Variants in DAB1 observed in about 807,000 individuals in gnomAD.
DAB1 encodes the protein disabled homolog 1.
A neutral mutation model predicts 64.6 loss-of-function variants in DAB1; 15 were observed. The ratio of observed to expected loss-of-function variants is 0.23; its 90% CI spans 0.16 to 0.36. The LOEUF (loss-of-function observed/expected upper bound fraction) is 0.36, where lower values mean the gene tolerates loss of function less well. Among genes scored for constraint, DAB1 ranks in the 10% least tolerant of loss-of-function variants. The probability of loss-of-function intolerance (pLI) is 1.00; values close to 1 mark genes in which losing one functional copy is unlikely to be tolerated. For synonymous variants in DAB1, 235 were observed against 251.9 expected (o/e 0.93, Z 0.64); for missense variants, 596 against 706.7 (o/e 0.84, Z 1.78).
At chr1:57,605,840 A>T in intron 7 of DAB1, 1 of 561,154 alleles carries the variant, frequency 1.8e-6, no homozygotes, top group Non-Finnish European at 3.3e-6. Flanking sequence ...TTATTAAGAC[A>T]GTTGACTTAA....
chr1:57,998,684 A>T (rs1325236519), intron 5 of DAB1, among the ~76,000 whole-genome samples: 3 of 152,172 alleles, frequency 2.0e-5, no homozygotes, highest in Non-Finnish European at 2.9e-5. Flanking sequence ...AACAGAGATA[A>T]GACTTTCTAG....
chr1:58,360,910 T>C (rs1644158305), intron 3 of DAB1, among the ~76,000 whole-genome samples: 1 of 152,242 alleles, frequency 6.6e-6, no homozygotes, highest in South Asian at 2.1e-4. Flanking sequence ...TTAGAATTAT[T>C]CTAAATAAAT....
chr1:58,025,304 C>G (rs1646873275), intron 5 of DAB1, among the ~76,000 whole-genome samples: 1 of 152,004 alleles, frequency 6.6e-6, no homozygotes, highest in African/African-American at 2.4e-5. Flanking sequence ...ATTCCCAGCC[C>G]TGAGAGATTA....
At chr1:57,502,084 G>A (rs1644295076) in intron 7 of DAB1, among the ~76,000 whole-genome samples, 2 of 152,034 alleles carry the variant, frequency 1.3e-5, no homozygotes, top group African/African-American at 2.4e-5. Context: ...ACTTTGGGAG[G>A]CCGAGGCCAG....
At position 57,398,703 on chromosome 1, in the gene DAB1, C is replaced by T. The variant is rs1683009519; in HGVS notation, c.-137+25227G>A. ...CATGTTTACAAGTCAGGGGCAAACT[C>T]TTCTATCCTGCATTTCATAACTCCC... On this transcript the variant is annotated intron_variant, in intron 1 of 14. Transcript: ENST00000371236. 3.9e-5 allele frequency among the ~76,000 whole-genome samples: 6 copies of T among 152,236 alleles called. No individual in the cohort carries two copies. The South Asian group carries it at 1.2e-3, about 31-fold the overall frequency.
intron 5 of DAB1, among the ~76,000 whole-genome samples, chr1:58,008,885 T>A (rs1200958449): frequency 6.6e-6 from 1 of 152,158 alleles, no homozygotes; most frequent in African/African-American, 2.4e-5. Context: ...CCTGAGCACC[T>A]TATTTCATTA....
intron 7 of DAB1, among the ~76,000 whole-genome samples, chr1:57,555,760 C>T (rs1419702153): frequency 1.3e-5 from 2 of 152,170 alleles, no homozygotes; most frequent in Non-Finnish European, 1.5e-5. Flanking sequence ...TGAGTTCAAA[C>T]TTAGTGCCAT....
At chr1:57,885,482 G>C (rs146473339), upstream of DAB1, among the ~76,000 whole-genome samples, 252 of 152,184 alleles carry the variant, frequency 1.7e-3, no homozygotes, top group African/African-American at 5.8e-3. Context: ...AAACCTGAGG[G>C]GTGTATGTGT....
intron 4 of DAB1, among the ~76,000 whole-genome samples, chr1:58,220,789 G>A (rs754703343): frequency 4.6e-5 from 7 of 152,002 alleles, no homozygotes; most frequent in Non-Finnish European, 8.8e-5. Context: ...AGTGCAGCAA[G>A]TGCTCGCAGA....
intron 2 of DAB1, among the ~76,000 whole-genome samples, chr1:57,198,336 G>C (rs1431555004): frequency 6.6e-6 from 1 of 152,144 alleles, no homozygotes; most frequent in Admixed American, 6.5e-5. Context: ...TAGCAGGGAA[G>C]AGAAACATAG....
chr1:57,614,854 T>G (rs1645770324), intron 7 of DAB1, among the ~76,000 whole-genome samples: 1 of 46,296 alleles, frequency 2.2e-5, no homozygotes, highest in African/African-American at 5.1e-5. Flanking sequence ...TTTGCCTTCT[T>G]TCTTTCTTTC....
At chr1:57,201,102 T>C (rs887341825) in intron 2 of DAB1, among the ~76,000 whole-genome samples, 1 of 152,218 alleles carries the variant, frequency 6.6e-6, no homozygotes, top group Non-Finnish European at 1.5e-5. Context: ...AGCTAAGTGA[T>C]AGCAAGGTCT....
At chr1:58,119,225 CGT>C (rs35994489) in intron 5 of DAB1, among the ~76,000 whole-genome samples, 102,587 of 146,790 alleles carry the variant, frequency 0.7, 36,290 homozygotes, top group Non-Finnish European at 0.79. Flanking sequence ...TGTGTGTGTG[CGT>C]GTGTGTGTGT....
In DAB1 at chr1:57,053,688, A is replaced by ATTT. The variant is rs61374333; in HGVS notation, c.723+9193_723+9195dup. ...TATGTATATATATATATATATATAT[A>ATTT]TTTTTTTTTTTTTTTTTGAGACGGA... is the stretch of plus-strand genomic sequence containing the variant. On this transcript the variant is annotated intron_variant, in intron 9 of 14. Coordinates refer to ENST00000371236, the MANE Select transcript of DAB1 (RefSeq NM_001365792.1). 1.9e-3 allele frequency among the ~76,000 whole-genome samples: 136 copies of ATTT among 71,372 alleles called. 2 individuals are homozygous for ATTT. Among genetic ancestry groups the ATTT allele is most frequent in the African/African-American group, 4.4e-3 (80 of 18,306 alleles). 46.8% of individuals were successfully genotyped at this position (71,372 alleles called of 152,430 possible).
intron 3 of DAB1, among the ~76,000 whole-genome samples, chr1:58,491,618 G>A (rs1645691888): frequency 1.3e-5 from 2 of 152,112 alleles, no homozygotes; most frequent in South Asian, 2.1e-4. Flanking sequence ...TGCAATCCTA[G>A]TCTCTGATAA....
rs1367055687 is a variant in DAB1, at chr1:58,157,312, T to C, written n.310-6724A>G. On this transcript the variant is annotated intron_variant and non_coding_transcript_variant, in intron 4 of 20. Transcript: ENST00000485760. Reference sequence around the variant, plus strand: ...TAGCCTCAGAATGGCCTTTGTGCCTTCCTGCCCCTGGTGTGTGCCTTCCTA... The same window carrying C: ...TAGCCTCAGAATGGCCTTTGTGCCTCCCTGCCCCTGGTGTGTGCCTTCCTA... Among the ~76,000 whole-genome samples, 3 of 152,210 alleles carry C rather than the reference T, an allele frequency of 2.0e-5. No individual in the cohort carries two copies. The East Asian group carries it at 5.8e-4, about 29-fold the overall frequency.
chr1:56,995,246 TA>T lies in DAB1; in HGVS notation c.*2897del, dbSNP rs1645575736. 1 of 152,140 alleles carries T rather than the reference TA, an allele frequency of 6.6e-6. No homozygotes were observed. Among genetic ancestry groups the T allele is most frequent in the East Asian group, 1.9e-4 (1 of 5,178 alleles). 9.4% of individuals were successfully genotyped at this position (152,140 alleles called of 1,614,324 possible). ...TTAGTGCTAGTGGAGGATGAGGAATTAACAGTTGTACACATGGATTTTCTAT... is the reference window on the plus strand; with the variant it reads ...TTAGTGCTAGTGGAGGATGAGGAATTACAGTTGTACACATGGATTTTCTAT... On this transcript the variant is annotated 3_prime_UTR_variant, in exon 15 of 15. Coordinates refer to ENST00000371236, the MANE Select transcript of DAB1 (RefSeq NM_001365792.1).
intron 6 of DAB1, among the ~76,000 whole-genome samples, chr1:57,757,423 G>A (rs1334835104): frequency 1.3e-5 from 2 of 151,922 alleles, no homozygotes; most frequent in Non-Finnish European, 2.9e-5. Flanking sequence ...CAGCAGGGCC[G>A]TCCTCTCTCT....
chr1:57,030,453 A>G (rs1646931719), intron 9 of DAB1, among the ~76,000 whole-genome samples: 1 of 152,192 alleles, frequency 6.6e-6, no homozygotes, highest in Admixed American at 6.5e-5. Context: ...AAAAGAGGAG[A>G]CCATCCAGGC....
Sources: allele counts gnomAD v4.1 joint callset (sites outside exome capture counted in the v4.1 genomes callset), GRCh38; gene constraint gnomAD v4.1.1; transcripts MANE v1.5; gene names NCBI Gene and HGNC (gene_info 2026-07-23, HGNC 2026-07-21).